Variants in PTPRC observed in about 807,000 individuals in gnomAD.
PTPRC encodes the protein receptor-type tyrosine-protein phosphatase C.
Under a neutral mutation model 155.9 loss-of-function variants are expected in PTPRC, and 44 were observed. The observed-to-expected ratio is 0.28, with a 90% CI of 0.22 to 0.36. The LOEUF (loss-of-function observed/expected upper bound fraction) is 0.36, where lower values mean the gene tolerates loss of function less well. PTPRC is among the 10% of genes least tolerant of loss of function. The pLI, the probability that PTPRC is intolerant of heterozygous loss-of-function variation, is 1.00. For synonymous variants in PTPRC, 525 were observed against 533.1 expected (o/e 0.98, Z 0.21); for missense variants, 1,401 against 1,564.6 (o/e 0.90, Z 1.76).
rs544960519 is a variant in PTPRC at position 198,693,458 on chromosome 1, T to A, written c.100+1085T>A. Among the ~76,000 whole-genome samples the A allele has an allele frequency of 1.6e-3, 249 of 152,280 alleles. 1 individual carries two copies. The highest frequency in any genetic ancestry group is 5.7e-3 in the African/African-American group (236 of 41,544). On this transcript the variant is annotated intron_variant, in intron 3 of 32. Transcript: ENST00000442510. ...TCATCTCAACCATACCAGATGGTTA[T>A]TTTTGCAGGAAAGGGATAGGTATAA...
intron 18 of PTPRC, 29 bp from the exon 19 acceptor site, chr1:198,732,271 G>T: frequency 6.5e-7 from 1 of 1,548,982 alleles, no homozygotes. Context: ...TGAATCTGCT[G>T]TGATCCAAGA....
rs777729876 is a variant in PTPRC, at chr1:198,756,491, A to C, written c.*310A>C. 13 of 240,504 alleles carry C rather than the reference A, an allele frequency of 5.4e-5. No homozygotes were observed. The highest frequency in any genetic ancestry group is 8.9e-5 in the Non-Finnish European group (11 of 123,970). The allele number at this position is 240,504 out of a possible 1,614,324, so 14.9% of individuals were successfully genotyped here. A position where few individuals can be genotyped will look rare whatever the true frequency, so the allele number is the denominator to read the frequency against. ...GTGTGAGAGACAGAGAAAGAGAGAG[A>C]ATTCTTTCAAGTGAATCTAAAAGCT... On this transcript the variant is annotated 3_prime_UTR_variant, in exon 33 of 33. Transcript: ENST00000442510.
intron 27 of PTPRC, among the ~76,000 whole-genome samples, chr1:198,749,014 C>T (rs1655260256): frequency 6.6e-6 from 1 of 151,396 alleles, no homozygotes; most frequent in Admixed American, 6.6e-5. Context: ...CAAAGCTACC[C>T]ATATAAGATT....
rs372454755 is a variant in PTPRC at position 198,663,176 on chromosome 1, G to A, written c.73+23835G>A. ...GACTGAACTTATGACCACCACTTCT[G>A]TGTAATTTTGAATTTCTTAGACCTG... On this transcript the variant is annotated intron_variant, in intron 2 of 32. Coordinates refer to ENST00000442510, the MANE Select transcript of PTPRC (RefSeq NM_002838.5). Among the ~76,000 whole-genome samples, 9 of 152,318 alleles carry A rather than the reference G, an allele frequency of 5.9e-5. No individual in the cohort carries two copies. In the East Asian group the frequency reaches 9.7e-4, roughly 16 times the overall value.
chr1:198,746,826 C>T (rs556492165), intron 26 of PTPRC, among the ~76,000 whole-genome samples: 11 of 151,938 alleles, frequency 7.2e-5, no homozygotes, highest in African/African-American at 2.7e-4. Flanking sequence ...GGTGTTGTAA[C>T]AGTTTCCAAA....
At position 198,706,937 on chromosome 1, in the gene PTPRC, T is replaced by C; in HGVS notation, c.889T>C (p.Leu297=). Residue 297 remains leucine (L), a synonymous_variant, in exon 9 of 33, where the codon TTA becomes CTA. Coordinates refer to ENST00000442510, the MANE Select transcript of PTPRC (RefSeq NM_002838.5). ...SCTAPDKTLI[L]DVPPGVEKFQ... ...TACTGCTCCTGATAAGACATTAATA[T>C]TAGATGTGCCACCAGGTAAATATCA... is the stretch of plus-strand genomic sequence containing the variant. The C allele has an allele frequency of 6.2e-7, 1 of 1,600,482 alleles. No individual in the cohort carries two copies. Among genetic ancestry groups the C allele is most frequent in the Non-Finnish European group, 8.6e-7 (1 of 1,167,830 alleles).
intron 2 of PTPRC, among the ~76,000 whole-genome samples, chr1:198,658,142 T>C (rs1392851061): frequency 6.6e-6 from 1 of 152,166 alleles, no homozygotes; most frequent in African/African-American, 2.4e-5. Flanking sequence ...TAAGCACCTT[T>C]CAGAGAGAGA....
At chr1:198,716,974 A>G in intron 13 of PTPRC, 134 bp downstream of exon 13, 1 of 762,546 alleles carries the variant, frequency 1.3e-6, no homozygotes, top group Non-Finnish European at 2.2e-6. Context: ...TAGGGCTTAT[A>G]AACACGTAAA....
chr1:198,655,304 A>G (rs1190521753), intron 2 of PTPRC, among the ~76,000 whole-genome samples: 2 of 152,044 alleles, frequency 1.3e-5, no homozygotes, highest in African/African-American at 4.8e-5. Flanking sequence ...AAGTAGCATT[A>G]TTTATACAAC....
At chr1:198,722,513 GAT>G in intron 15 of PTPRC, 37 bp downstream of exon 15, 1 of 1,132,400 alleles carries the variant, frequency 8.8e-7, no homozygotes, top group Non-Finnish European at 1.2e-6. Flanking sequence ...TATATATTAA[GAT>G]ATATATTAAT....
intron 5 of PTPRC, among the ~76,000 whole-genome samples, chr1:198,700,701 A>G (rs532930799): frequency 6.6e-6 from 1 of 152,230 alleles, no homozygotes; most frequent in Non-Finnish European, 1.5e-5. Flanking sequence ...GCTGGTTGTC[A>G]CACAGACTAG....
intron 14 of PTPRC, among the ~76,000 whole-genome samples, chr1:198,721,200 C>T (rs1653868943): frequency 6.6e-6 from 1 of 152,142 alleles, no homozygotes. Context: ...GTTTTGTGTT[C>T]ACTCCTTCAT....
In PTPRC at chr1:198,683,519, G is replaced by A. The variant is rs1017516548; in HGVS notation, c.74-8828G>A. Among the ~76,000 whole-genome samples, 6 of 152,072 alleles carry A rather than the reference G, an allele frequency of 3.9e-5. No individual in the cohort carries two copies. The South Asian group carries it at 1.2e-3, about 32-fold the overall frequency. Reference sequence around the variant, plus strand: ...AAGAAGCAAAAAGATAATTAATATGGGAACAAACCTATTCTGGAAAATGTT... The same window carrying A: ...AAGAAGCAAAAAGATAATTAATATGAGAACAAACCTATTCTGGAAAATGTT... On this transcript the variant is annotated intron_variant, in intron 2 of 32. Coordinates refer to ENST00000442510, the MANE Select transcript of PTPRC (RefSeq NM_002838.5).
rs2102516123 is a variant in PTPRC at position 198,742,297 on chromosome 1, A to G, written c.2627A>G (p.Glu876Gly). Residue 876 changes from glutamate to glycine, a missense_variant, in exon 25 of 33, where the codon GAG (glutamate) becomes GGG (glycine). Coordinates refer to ENST00000442510, the MANE Select transcript of PTPRC (RefSeq NM_002838.5). ...GCCATGCTAGAAGGCCTGGAAGCCG[A>G]GAACAAAGTGGATGTTTATGGTTAT... is the stretch of plus-strand genomic sequence containing the variant. ...IDAMLEGLEA[E>G]NKVDVYGYVV... 6.2e-7 allele frequency: 1 copy of G among 1,612,448 alleles called. No individual in the cohort carries two copies. The highest frequency in any genetic ancestry group is 1.1e-5 in the South Asian group (1 of 91,072).
intron 2 of PTPRC, among the ~76,000 whole-genome samples, chr1:198,680,288 A>C (rs1368639724): frequency 6.6e-6 from 1 of 152,172 alleles, no homozygotes; most frequent in Non-Finnish European, 1.5e-5. Context: ...CCCCGTCTCT[A>C]CTGAAAATAC....
intron 3 of PTPRC, 170 bp downstream of exon 3, chr1:198,692,543 T>C (rs2102369841): frequency 9.3e-7 from 1 of 1,079,760 alleles, no homozygotes; most frequent in East Asian, 3.4e-5. Context: ...TTATACGTTA[T>C]AGAGTTTAAT....
chr1:198,717,012 G>T (rs1183377331), intron 13 of PTPRC, among the ~76,000 whole-genome samples, 172 bp downstream of exon 13: 1 of 152,096 alleles, frequency 6.6e-6, no homozygotes, highest in South Asian at 2.1e-4. Flanking sequence ...CCGTTATCCT[G>T]GATTCTCTCT....
intron 2 of PTPRC, among the ~76,000 whole-genome samples, chr1:198,653,911 A>G (rs1225602258): frequency 2.0e-5 from 3 of 151,890 alleles, no homozygotes; most frequent in African/African-American, 7.2e-5. Flanking sequence ...AACGCTTCTT[A>G]ATGTTATTCA....
At position 198,665,087 on chromosome 1, in the gene PTPRC, T is replaced by C. The variant is rs1371872171; in HGVS notation, c.73+25746T>C. Among the ~76,000 whole-genome samples the C allele has an allele frequency of 2.5e-4, 30 of 122,146 alleles. 1 individual carries two copies. The highest frequency in any genetic ancestry group is 6.9e-4 in the African/African-American group (22 of 32,076). 80.1% of individuals were successfully genotyped at this position (122,146 alleles called of 152,430 possible). On this transcript the variant is annotated intron_variant, in intron 2 of 32. Transcript: ENST00000442510. ...TTAGAACATCCCGGCAGCATTTTTT[T>C]TTTTTTTTTTTTTTTTTTTTGAGAC...
Sources: gnomAD v4.1 joint callset for allele counts (sites outside exome capture counted in the v4.1 genomes callset) on GRCh38, gnomAD v4.1.1 for gene constraint, MANE v1.5 for transcripts, NCBI Gene and HGNC (gene_info 2026-07-23, HGNC 2026-07-21) for gene names.